The following ME1 variants were observed in gnomAD, a reference collection of about 807,000 sequenced individuals.
ME1 encodes NADP-dependent malic enzyme.
Under a neutral mutation model 66.4 loss-of-function variants are expected in ME1, and 74 were observed. The observed-to-expected ratio is 1.11, with a 90% CI of 0.92 to 1.35. The LOEUF (loss-of-function observed/expected upper bound fraction) is 1.35. Ranked by LOEUF, ME1 falls within the 40% of genes most tolerant of loss-of-function variation. The pLI is 0.00. For synonymous variants in ME1, 251 were observed against 235.6 expected (o/e 1.07, Z -0.60); for missense variants, 750 against 694.1 (o/e 1.08, Z -0.90).
chr6:83,258,397 C>A (rs563959803), intron 6 of ME1, among the ~76,000 whole-genome samples: 1 of 152,046 alleles, frequency 6.6e-6, no homozygotes, highest in Admixed American at 6.6e-5. Flanking sequence ...CCAATTTGAA[C>A]CCACTTTGTC....
At chr6:83,240,987 A>G (rs1304821103) in intron 7 of ME1, among the ~76,000 whole-genome samples, 2 of 152,146 alleles carry the variant, frequency 1.3e-5, no homozygotes, top group African/African-American at 2.4e-5. Flanking sequence ...GAACTGTGCT[A>G]AGTCATATAT....
At chr6:83,392,401 C>T in intron 3 of ME1, 2 of 496,842 alleles carry the variant, frequency 4.0e-6, no homozygotes, top group Admixed American at 4.1e-5. Flanking sequence ...TTGCCAGCTG[C>T]ATCCCTGAGA....
intron 6 of ME1, among the ~76,000 whole-genome samples, chr6:83,289,818 T>C (rs1313900788): frequency 1.3e-5 from 2 of 152,208 alleles, no homozygotes; most frequent in African/African-American, 4.8e-5. Flanking sequence ...GAACCTGTTA[T>C]TGGTCTATTC....
intron 7 of ME1, among the ~76,000 whole-genome samples, chr6:83,250,473 C>A (rs1413382778): frequency 1.3e-5 from 2 of 152,214 alleles, no homozygotes; most frequent in Non-Finnish European, 2.9e-5. Flanking sequence ...ATAGTCCAAG[C>A]TCTTAACATC....
At chr6:83,314,348 C>A (rs749864578) in intron 6 of ME1, among the ~76,000 whole-genome samples, 41 of 152,136 alleles carry the variant, frequency 2.7e-4, no homozygotes, top group Non-Finnish European at 5.1e-4. Flanking sequence ...ACCCTGAACA[C>A]ATTATTTTTT....
chr6:83,257,178 A>T (rs986316133), intron 6 of ME1, among the ~76,000 whole-genome samples: 1 of 152,038 alleles, frequency 6.6e-6, no homozygotes, highest in Non-Finnish European at 1.5e-5. Context: ...GTACCCCAGA[A>T]CTTAAAGTAT....
At chr6:83,321,607 C>T (rs901922719) in intron 5 of ME1, among the ~76,000 whole-genome samples, 1 of 152,166 alleles carries the variant, frequency 6.6e-6, no homozygotes, top group Non-Finnish European at 1.5e-5. Context: ...CTAGATTCCT[C>T]CTCTCTGGGC....
In ME1 at chr6:83,238,836, TC is replaced by T. The variant is rs764479717; in HGVS notation, c.912+702del. Among the ~76,000 whole-genome samples, 23 of 124,542 alleles carry T rather than the reference TC, an allele frequency of 1.8e-4. No homozygotes were observed. In the East Asian group the frequency reaches 3.8e-3, roughly 21 times the overall value. The allele number at this position is 124,542 out of a possible 152,430, so 81.7% of individuals were successfully genotyped here. A position where few individuals can be genotyped will look rare whatever the true frequency, so the allele number is the denominator to read the frequency against. On this transcript the variant is annotated intron_variant, in intron 8 of 13. Transcript: ENST00000369705. ...TATATATATAGCCACAAAATATTTC[TC>T]TATTACTTACATTCTATAATTCTAA...
At chr6:83,253,909 C>T (rs1458807919) in intron 6 of ME1, among the ~76,000 whole-genome samples, 171 bp from the exon 7 acceptor site, 1 of 152,096 alleles carries the variant, frequency 6.6e-6, no homozygotes, top group African/African-American at 2.4e-5. Flanking sequence ...TATTTACATG[C>T]TGACTACAGA....
chr6:83,357,935 CTATATATATATATATATATA>C (rs60624497), intron 3 of ME1, among the ~76,000 whole-genome samples: 13 of 30,042 alleles, frequency 4.3e-4, no homozygotes, highest in Non-Finnish European at 6.5e-4. Context: ...CTCTCTCTCT[CTATATATATATATATATATA>C]TATATATATA....
intron 3 of ME1, among the ~76,000 whole-genome samples, chr6:83,360,132 T>A (rs746745693): frequency 3.9e-5 from 6 of 152,156 alleles, no homozygotes; most frequent in Non-Finnish European, 7.4e-5. Flanking sequence ...CTCAATCAAT[T>A]TCCAGACTTG....
At chr6:83,415,943 A>T (rs1056232846) in intron 1 of ME1, among the ~76,000 whole-genome samples, 19 of 152,322 alleles carry the variant, frequency 1.2e-4, no homozygotes, top group Admixed American at 1.1e-3. Flanking sequence ...CATTTTTGGT[A>T]TTTAATAGAT....
intron 5 of ME1, among the ~76,000 whole-genome samples, chr6:83,344,289 C>CAA (rs11402376): frequency 1.5e-3 from 158 of 105,960 alleles, no homozygotes; most frequent in Middle Eastern, 4.5e-3. Flanking sequence ...CTATCTCTTA[C>CAA]AAAAAAAAAA....
At chr6:83,333,952 G>A (rs367575840) in intron 5 of ME1, among the ~76,000 whole-genome samples, 2 of 151,868 alleles carry the variant, frequency 1.3e-5, no homozygotes, top group African/African-American at 2.4e-5. Flanking sequence ...TCCAAGTCAG[G>A]GGGGGAGGAG....
chr6:83,361,736 A>G (rs976233791), intron 3 of ME1, among the ~76,000 whole-genome samples: 1 of 152,170 alleles, frequency 6.6e-6, no homozygotes, highest in Non-Finnish European at 1.5e-5. Flanking sequence ...TGGGTCATCA[A>G]GTCTCCATGT....
At chr6:83,249,214 T>A (rs959682082) in intron 7 of ME1, among the ~76,000 whole-genome samples, 1 of 151,972 alleles carries the variant, frequency 6.6e-6, no homozygotes, top group African/African-American at 2.4e-5. Flanking sequence ...CATGGTGAAT[T>A]TTAAAAATTA....
chr6:83,416,580 TAA>T (rs1770163563), intron 1 of ME1, among the ~76,000 whole-genome samples: 2 of 152,092 alleles, frequency 1.3e-5, no homozygotes, highest in South Asian at 4.2e-4. Context: ...TTAAATGAAA[TAA>T]ACAAGAGACA....
chr6:83,227,433 C>A lies in ME1; in HGVS notation c.1177G>T (p.Asp393Tyr). The A allele has an allele frequency of 6.2e-7, 1 of 1,602,732 alleles. No individual in the cohort carries two copies. Among genetic ancestry groups the A allele is most frequent in the Non-Finnish European group, 8.5e-7 (1 of 1,172,870 alleles). The change falls in exon 11 of 14, where the codon GAT becomes TAT. Residue 393 changes from aspartate (D) to tyrosine (Y), a missense_variant. By Grantham distance (160) the Asp-to-Tyr change is radical. Coordinates refer to ENST00000369705, the MANE Select transcript of ME1 (RefSeq NM_002395.6). ...GGCCGTTCATTGAAGGCAGCCATAT[C>A]TTTGAGAATTTGTTCTGAGAATGCA... Reference protein sequence around the residue: ...GGAFSEQILKDMAAFNERPII... With the variant: ...GGAFSEQILKYMAAFNERPII...
At chr6:83,296,864 T>C (rs1231347437) in intron 6 of ME1, among the ~76,000 whole-genome samples, 2 of 151,850 alleles carry the variant, frequency 1.3e-5, no homozygotes, top group African/African-American at 2.4e-5. Flanking sequence ...GTATTAAACA[T>C]CTTTAGGGTG....
Sources: allele counts gnomAD v4.1 joint callset (sites outside exome capture counted in the v4.1 genomes callset), GRCh38; gene constraint gnomAD v4.1.1; transcripts MANE v1.5; gene names NCBI Gene and HGNC (gene_info 2026-07-23, HGNC 2026-07-21).